Variants in MACROD1 observed in about 807,000 individuals in gnomAD.
The protein encoded by MACROD1 is mono-ADP ribosylhydrolase 1.
Under a neutral mutation model 41.4 loss-of-function variants are expected in MACROD1, and 31 were observed. That is an observed-to-expected ratio of 0.75 (90% CI 0.56 to 1.01). The LOEUF is 1.01. Ranked by LOEUF, MACROD1 falls within the 50% of genes least tolerant of loss-of-function variation. MACROD1 has a pLI of 0.00. For synonymous variants in MACROD1, 252 were observed against 203.4 expected, an observed-to-expected ratio of 1.24 and a Z score of -2.03; for missense variants, 473 against 460.0, an observed-to-expected ratio of 1.03 and a Z score of -0.26.
intron 3 of MACROD1, among the ~76,000 whole-genome samples, chr11:64,019,263 C>T (rs1010829439): frequency 3.7e-4 from 56 of 152,336 alleles, no homozygotes; most frequent in African/African-American, 1.3e-3. Context: ...ACTTGATTAA[C>T]TGGCTCTGAG....
intron 1 of MACROD1, among the ~76,000 whole-genome samples, chr11:64,156,341 G>A (rs948546958): frequency 6.6e-6 from 1 of 152,158 alleles, no homozygotes; most frequent in African/African-American, 2.4e-5. Flanking sequence ...TCCCCACTGC[G>A]AGGCCTTGGC....
chr11:64,033,836 C>CA, intron 3 of MACROD1, among the ~76,000 whole-genome samples: 1 of 151,972 alleles, frequency 6.6e-6, no homozygotes, highest in East Asian at 1.9e-4. Context: ...AGTGAAACGC[C>CA]GCCCCCCCAA....
chr11:64,032,391 G>A (rs1331602724), intron 3 of MACROD1, among the ~76,000 whole-genome samples: 1 of 152,166 alleles, frequency 6.6e-6, no homozygotes. Flanking sequence ...TGGTGCCCAG[G>A]GCCGATGGCT....
intron 3 of MACROD1, among the ~76,000 whole-genome samples, chr11:64,145,069 G>A (rs1013823403): frequency 2.6e-5 from 4 of 152,234 alleles, no homozygotes; most frequent in Admixed American, 1.3e-4. Flanking sequence ...AGGAGAGGAT[G>A]AGGCAGGGGC....
intron 4 of MACROD1, among the ~76,000 whole-genome samples, chr11:64,002,383 G>A (rs1471304464): frequency 1.3e-5 from 2 of 152,210 alleles, no homozygotes; most frequent in East Asian, 3.8e-4. Context: ...CTGACCTGGG[G>A]GCGCAAGGGA....
At chr11:64,005,635 C>A (rs1289598003) in intron 4 of MACROD1, among the ~76,000 whole-genome samples, 1 of 152,240 alleles carries the variant, frequency 6.6e-6, no homozygotes, top group Non-Finnish European at 1.5e-5. Context: ...CAACCTCACG[C>A]CTCTGAAATG....
At chr11:64,076,472 G>A (rs548602463) in intron 3 of MACROD1, among the ~76,000 whole-genome samples, 49 of 152,178 alleles carry the variant, frequency 3.2e-4, no homozygotes, top group Non-Finnish European at 5.3e-4. Flanking sequence ...ACGGACGGAC[G>A]AATGGATGGA....
At chr11:64,009,307 G>A (rs1942965621) in intron 4 of MACROD1, among the ~76,000 whole-genome samples, 1 of 152,180 alleles carries the variant, frequency 6.6e-6, no homozygotes, top group Non-Finnish European at 1.5e-5. Context: ...AGGGGGCCTG[G>A]CAGACACCAG....
intron 3 of MACROD1, 103 bp downstream of exon 3, chr11:64,151,136 A>C (rs968159460): frequency 4.2e-6 from 4 of 960,018 alleles, no homozygotes; most frequent in Non-Finnish European, 4.9e-6. Flanking sequence ...CAGCAACCCG[A>C]GCCTCACTGG....
intron 3 of MACROD1, among the ~76,000 whole-genome samples, chr11:64,065,778 C>A (rs1158275388): frequency 2.1e-4 from 28 of 132,130 alleles, no homozygotes; most frequent in Non-Finnish European, 2.9e-4. Flanking sequence ...CGACAGAGCA[C>A]GACTCCGCCT....
rs1446487276 is a variant in MACROD1 at position 64,146,064 on chromosome 11, C to T, written c.517+5175G>A. Among the ~76,000 whole-genome samples the T allele has an allele frequency of 6.6e-6, 1 of 151,196 alleles. No individual in the cohort carries two copies. The highest frequency in any genetic ancestry group is 1.5e-5 in the Non-Finnish European group (1 of 67,748). ...GGATAACAGGCGTGAGCCACCGTGC[C>T]TGGCCAAGAATGGGGATCTTTCTTT... On this transcript the variant is annotated intron_variant, in intron 3 of 10. Transcript: ENST00000255681. The surrounding 1 kb of genome is among the most constrained non-coding windows in gnomAD (Gnocchi z 4.7).
At position 64,095,023 on chromosome 11, in the gene MACROD1, G is replaced by A. The variant is rs191187156; in HGVS notation, c.517+56216C>T. On this transcript the variant is annotated intron_variant, in intron 3 of 10. Transcript: ENST00000255681. The stretch of plus-strand genomic sequence containing the variant: ...GCCTCGTTATTAACAAAAGTGTGCC[G>A]CGAATGCTTTCTCTTCCTGCTTCTC... Among the ~76,000 whole-genome samples the A allele has an allele frequency of 5.5e-4, 84 of 152,262 alleles. 1 individual carries two copies. In the East Asian group the frequency reaches 0.016, roughly 29 times the overall value.
At chr11:64,072,480 C>A (rs1237573018) in intron 3 of MACROD1, among the ~76,000 whole-genome samples, 1 of 152,130 alleles carries the variant, frequency 6.6e-6, no homozygotes, top group Admixed American at 6.5e-5. Flanking sequence ...GTACATGTGG[C>A]ATTCCATAAG....
At chr11:64,133,895 T>C (rs1945298526) in intron 3 of MACROD1, among the ~76,000 whole-genome samples, 1 of 152,206 alleles carries the variant, frequency 6.6e-6, no homozygotes, top group African/African-American at 2.4e-5. Flanking sequence ...TCTGGGGAAG[T>C]TCCTGGAGGG....
At chr11:64,119,981 C>T (rs1421466078) in intron 3 of MACROD1, among the ~76,000 whole-genome samples, 2 of 152,138 alleles carry the variant, frequency 1.3e-5, no homozygotes, top group Non-Finnish European at 2.9e-5. Context: ...GGAAAAGGAA[C>T]GTCAAAGAGG....
chr11:64,076,314 G>A (rs1420296050), intron 3 of MACROD1, among the ~76,000 whole-genome samples: 1 of 152,192 alleles, frequency 6.6e-6, no homozygotes, highest in African/African-American at 2.4e-5. Context: ...GCCATGCTCT[G>A]ACTTGGGGTT....
rs796482905 is a variant in MACROD1 at position 64,146,841 on chromosome 11, ACTCT to A, written c.517+4394_517+4397del. The stretch of plus-strand genomic sequence containing the variant: ...GCCAAACTCCTGACCTCACACACAC[ACTCT>A]ATCACACACACCCCACGCATCACAC... On this transcript the variant is annotated intron_variant, in intron 3 of 10. Coordinates refer to ENST00000255681, the MANE Select transcript of MACROD1 (RefSeq NM_014067.4). The surrounding 1 kb of genome is among the most constrained non-coding windows in gnomAD (Gnocchi z 4.7). Among the ~76,000 whole-genome samples, 22 of 146,322 alleles carry A rather than the reference ACTCT, an allele frequency of 1.5e-4. No homozygotes were observed. Among genetic ancestry groups the A allele is most frequent in the African/African-American group, 5.3e-4 (21 of 39,460 alleles).
chr11:64,011,023 TGTTG>T (rs1943007711), intron 4 of MACROD1, among the ~76,000 whole-genome samples: 1 of 146,112 alleles, frequency 6.8e-6, no homozygotes, highest in South Asian at 2.2e-4. Context: ...TTGGTTGAGG[TGTTG>T]GTTGGGATGT....
At chr11:64,164,574 G>C (rs1018316114) in intron 1 of MACROD1, among the ~76,000 whole-genome samples, 6 of 152,236 alleles carry the variant, frequency 3.9e-5, no homozygotes, top group Non-Finnish European at 8.8e-5. Context: ...ATCTGCTCAC[G>C]GGCTAAAGTC....
Sources: gnomAD v4.1 joint callset for allele counts (sites outside exome capture counted in the v4.1 genomes callset) on GRCh38, gnomAD v4.1.1 for gene constraint, Gnocchi (gnomAD v3.1) non-coding constraint, MANE v1.5 for transcripts, NCBI Gene and HGNC (gene_info 2026-07-23, HGNC 2026-07-21) for gene names.